Variants in ZNF638 observed in about 807,000 individuals in gnomAD.
ZNF638 encodes the protein CTCL tumor antigen se33-1.
Under a neutral mutation model 195.6 loss-of-function variants are expected in ZNF638, and 46 were observed. The observed-to-expected ratio is 0.24, with a 90% CI of 0.19 to 0.30. The LOEUF (loss-of-function observed/expected upper bound fraction) is 0.30. Among genes scored for constraint, ZNF638 ranks in the 10% least tolerant of loss-of-function variants. The pLI, the probability that ZNF638 is intolerant of heterozygous loss-of-function variation, is 1.00. For missense variants in ZNF638, 2,440 were observed against 2,325.3 expected (o/e 1.05, Z -1.01); for synonymous variants, 845 against 772.0 (o/e 1.09, Z -1.57).
rs1022997276 is a variant in ZNF638 at position 71,400,203 on chromosome 2, T to C, written c.2656+23T>C. The stretch of plus-strand genomic sequence containing the variant: ...CTGGTAGGTCAATAGAAATTTTATT[T>C]TGTTCTTTACTTATTTTAATTACCA... On this transcript the variant is annotated intron_variant, in intron 14 of 27. Transcript: ENST00000264447. The C allele has an allele frequency of 1.1e-5, 17 of 1,582,024 alleles. No individual in the cohort carries two copies. The Admixed American group carries it at 2.0e-4, about 18-fold the overall frequency.
At chr2:71,379,879 G>A (rs1265851423) in intron 8 of ZNF638, 1 of 156,296 alleles carries the variant, frequency 6.4e-6, no homozygotes, top group African/African-American at 2.4e-5. Flanking sequence ...TATTATTGTT[G>A]ATCTTTTACT....
At chr2:71,419,299 A>G (rs1480497027) in intron 21 of ZNF638, among the ~76,000 whole-genome samples, 1 of 152,136 alleles carries the variant, frequency 6.6e-6, no homozygotes, top group Non-Finnish European at 1.5e-5. Flanking sequence ...TTCATTGTAA[A>G]TCACTGATTT....
Position 71,424,050 on chromosome 2 carries a change from A to G in ZNF638, c.4524+12A>G, listed in dbSNP as rs749082270. The G allele has an allele frequency of 9.9e-6, 16 of 1,608,504 alleles. No individual in the cohort carries two copies. The highest frequency in any genetic ancestry group is 1.3e-5 in the African/African-American group (1 of 74,956). On this transcript the variant is annotated intron_variant, in intron 22 of 27. Coordinates refer to ENST00000264447, the MANE Select transcript of ZNF638 (RefSeq NM_014497.5). ...ACAGCAACAATAAGGTGAGGAGGGT[A>G]GGAAGAATGGCACAGTGTGTCTTTG...
At chr2:71,348,187 A>T (rs2078883588) in intron 1 of ZNF638, among the ~76,000 whole-genome samples, 1 of 152,210 alleles carries the variant, frequency 6.6e-6, no homozygotes, top group Non-Finnish European at 1.5e-5. Context: ...TAGTCAGGTT[A>T]TTGGCAACAA....
rs748555084 is a variant in ZNF638, at chr2:71,363,938, G to GC, written c.1419-10dup. The GC allele has an allele frequency of 8.2e-6, 13 of 1,587,968 alleles. No individual in the cohort carries two copies. Among genetic ancestry groups the GC allele is most frequent in the East Asian group, 4.5e-5 (2 of 44,508 alleles). ...TAAATTGCTGATCACTTTCTTTTCC[G>GC]CCCCCCTGCTTGTAGAAATGAGGGC... On this transcript the variant is annotated splice_polypyrimidine_tract_variant and intron_variant, in intron 4 of 27. Coordinates refer to ENST00000264447, the MANE Select transcript of ZNF638 (RefSeq NM_014497.5).
chr2:71,393,931 C>T (rs988184939), intron 10 of ZNF638, among the ~76,000 whole-genome samples: 7 of 152,116 alleles, frequency 4.6e-5, no homozygotes, highest in South Asian at 2.1e-4. Context: ...ATGTACCTGC[C>T]GAAACACAAT....
At chr2:71,362,562 A>G (rs1026910424) in intron 3 of ZNF638, among the ~76,000 whole-genome samples, 12 of 152,106 alleles carry the variant, frequency 7.9e-5, no homozygotes, top group African/African-American at 2.2e-4. Context: ...CATCATGTCT[A>G]TGCTGTAGCC....
intron 5 of ZNF638, 56 bp downstream of exon 5, chr2:71,364,308 GTCTT>G: frequency 6.6e-7 from 1 of 1,513,778 alleles, no homozygotes; most frequent in Non-Finnish European, 8.9e-7. Flanking sequence ...ATTTTTAAAT[GTCTT>G]TCTTTTTGGA....
chr2:71,339,815 T>G (rs1315405918), intron 1 of ZNF638, among the ~76,000 whole-genome samples: 1 of 152,180 alleles, frequency 6.6e-6, no homozygotes, highest in Non-Finnish European at 1.5e-5. Context: ...TTGGATAAGG[T>G]GTTTCCTCTT....
rs111876793 is a variant in ZNF638, at chr2:71,401,453, A to G, written c.2698-503A>G. The stretch of plus-strand genomic sequence containing the variant: ...TTATCTTATTCAGGAAGATAAAAGG[A>G]TACACACTGATTTGGAGCTTGGGGA... On this transcript the variant is annotated intron_variant, in intron 15 of 27. Transcript: ENST00000264447. Among the ~76,000 whole-genome samples the G allele has an allele frequency of 9.5e-3, 1,447 of 152,274 alleles. 22 individuals are homozygous for G. The highest frequency in any genetic ancestry group is 0.033 in the African/African-American group (1,376 of 41,554).
intron 11 of ZNF638, 36 bp downstream of exon 11, chr2:71,396,227 T>TAA: frequency 1.9e-6 from 3 of 1,558,460 alleles, no homozygotes; most frequent in Non-Finnish European, 2.6e-6. Context: ...GACTATTAGT[T>TAA]AAAACTTTAA....
At chr2:71,391,648 C>A (rs2079780850) in intron 10 of ZNF638, among the ~76,000 whole-genome samples, 1 of 152,126 alleles carries the variant, frequency 6.6e-6, no homozygotes, top group Admixed American at 6.5e-5. Flanking sequence ...GTCAGTAAGA[C>A]CTCAAAAGGT....
chr2:71,434,220 T>C (rs1299629866), intron 27 of ZNF638, among the ~76,000 whole-genome samples: 1 of 152,222 alleles, frequency 6.6e-6, no homozygotes, highest in Non-Finnish European at 1.5e-5. Flanking sequence ...GTTCTGTTTT[T>C]CATACATGAG....
At chr2:71,414,057 C>T (rs1393340105) in intron 20 of ZNF638, among the ~76,000 whole-genome samples, 1 of 142,138 alleles carries the variant, frequency 7.0e-6, no homozygotes, top group African/African-American at 2.6e-5. Context: ...GGAATGGTAC[C>T]AGTTCCTCCT....
At chr2:71,366,619 T>C (rs1229101851) in intron 6 of ZNF638, among the ~76,000 whole-genome samples, 1 of 152,198 alleles carries the variant, frequency 6.6e-6, no homozygotes, top group Non-Finnish European at 1.5e-5. Flanking sequence ...AGTTTTGCTC[T>C]CTAATTGGGA....
intron 10 of ZNF638, chr2:71,393,385 C>G: frequency 1.4e-6 from 1 of 717,514 alleles, no homozygotes; most frequent in South Asian, 1.5e-5. Flanking sequence ...GTGTTCACAC[C>G]CCCCTCAGGC....
At position 71,350,541 on chromosome 2, in the gene ZNF638, C is replaced by T. The variant is rs796466752; in HGVS notation, c.1317+270C>T. On this transcript the variant is annotated intron_variant, in intron 2 of 27. Transcript: ENST00000264447. ...ACTTTTAGTTATCCCACTTACGCAA[C>T]ATAAAATTTATGTAACATAAGCTGC... Among the ~76,000 whole-genome samples the T allele has an allele frequency of 1.2e-4, 19 of 152,294 alleles. 1 individual carries two copies. The highest frequency in any genetic ancestry group is 4.6e-4 in the African/African-American group (19 of 41,582).
At chr2:71,397,051 ATAG>A (rs1312581033) in intron 11 of ZNF638, among the ~76,000 whole-genome samples, 1 of 152,222 alleles carries the variant, frequency 6.6e-6, no homozygotes, top group Non-Finnish European at 1.5e-5. Context: ...GAATTTTCAT[ATAG>A]TAGTTTCATA....
At chr2:71,394,739 A>C (rs1188934619) in intron 10 of ZNF638, among the ~76,000 whole-genome samples, 2 of 152,204 alleles carry the variant, frequency 1.3e-5, no homozygotes, top group Non-Finnish European at 2.9e-5. Context: ...TAGTCATCCT[A>C]GCAACTGCTA....
Sources: gnomAD v4.1 joint callset for allele counts (sites outside exome capture counted in the v4.1 genomes callset) on GRCh38, gnomAD v4.1.1 for gene constraint, MANE v1.5 for transcripts, NCBI Gene and HGNC (gene_info 2026-07-23, HGNC 2026-07-21) for gene names.